DLGAP2: variants seen among roughly 807,000 people sequenced by gnomAD.
DLGAP2 encodes the protein DLG associated protein 2, also known as disks large-associated protein 2.
DLGAP2 carries 26 observed loss-of-function variants against 100.3 expected under a neutral mutation model. The ratio of observed to expected loss-of-function variants is 0.26; its 90% CI spans 0.19 to 0.36. DLGAP2 has a LOEUF of 0.36. Ranked by LOEUF, DLGAP2 falls within the 10% of genes least tolerant of loss-of-function variation. The pLI, the probability that DLGAP2 is intolerant of heterozygous loss-of-function variation, is 1.00. For synonymous variants in DLGAP2, 886 were observed against 630.1 expected (o/e 1.41, Z -6.08); for missense variants, 1,858 against 1,453.2 (o/e 1.28, Z -4.53).
At chr8:1,216,115 A>G (rs190654165) in intron 2 of DLGAP2, among the ~76,000 whole-genome samples, 1 of 152,332 alleles carries the variant, frequency 6.6e-6, no homozygotes, top group African/African-American at 2.4e-5. Flanking sequence ...CTGTTTTCTC[A>G]GTTGTAAAGG....
intron 3 of DLGAP2, among the ~76,000 whole-genome samples, chr8:1,276,741 A>C (rs1799706066): frequency 6.6e-6 from 1 of 152,122 alleles, no homozygotes; most frequent in Admixed American, 6.6e-5. Context: ...GGTTTTCTTT[A>C]AATGTAGTGC....
intron 2 of DLGAP2, among the ~76,000 whole-genome samples, chr8:1,033,669 C>T (rs1464596012): frequency 6.6e-6 from 1 of 152,148 alleles, no homozygotes; most frequent in South Asian, 2.1e-4. Flanking sequence ...CGTGTTACCC[C>T]AAGTTAGGGA....
chr8:883,732 C>G (rs112104233), intron 1 of DLGAP2, among the ~76,000 whole-genome samples: 1 of 152,124 alleles, frequency 6.6e-6, no homozygotes, highest in South Asian at 2.1e-4. Flanking sequence ...TACGTAGGAG[C>G]GCGGGTGCTG....
At chr8:1,159,641 T>C (rs1325357232) in intron 2 of DLGAP2, among the ~76,000 whole-genome samples, 2 of 152,228 alleles carry the variant, frequency 1.3e-5, no homozygotes, top group African/African-American at 4.8e-5. Context: ...ATCAAAAATA[T>C]CTCAGAATGG....
chr8:1,377,467 C>G (rs1373590280), intron 3 of DLGAP2, among the ~76,000 whole-genome samples: 1 of 152,208 alleles, frequency 6.6e-6, no homozygotes, highest in Admixed American at 6.5e-5. Context: ...TGGTGTGAAC[C>G]TGGGAGGCGG....
chr8:1,076,909 C>T (rs544818237), intron 2 of DLGAP2, among the ~76,000 whole-genome samples: 2 of 146,986 alleles, frequency 1.4e-5, no homozygotes, highest in Non-Finnish European at 3.0e-5. Flanking sequence ...CCCGGCCCCC[C>T]CCAAGACCAA....
chr8:1,266,818 A>G (rs936505565), intron 3 of DLGAP2, among the ~76,000 whole-genome samples: 3 of 152,100 alleles, frequency 2.0e-5, no homozygotes, highest in East Asian at 1.9e-4. Context: ...TTTGGAATAC[A>G]TGCCCTCTCC....
chr8:1,133,029 G>C (rs766663159), intron 2 of DLGAP2, among the ~76,000 whole-genome samples: 2 of 152,224 alleles, frequency 1.3e-5, no homozygotes, highest in Non-Finnish European at 2.9e-5. Context: ...TCTGGGGTCT[G>C]TGTGTGGTGG....
At chr8:920,830 T>C (rs1798698334) in intron 2 of DLGAP2, among the ~76,000 whole-genome samples, 1 of 152,176 alleles carries the variant, frequency 6.6e-6, no homozygotes, top group Non-Finnish European at 1.5e-5. Flanking sequence ...AAAAATGATT[T>C]TCAGATACAC....
At chr8:1,295,232 G>C (rs1800144204) in intron 3 of DLGAP2, among the ~76,000 whole-genome samples, 1 of 152,174 alleles carries the variant, frequency 6.6e-6, no homozygotes, top group South Asian at 2.1e-4. Flanking sequence ...GCAGGAACCT[G>C]AAAACCCCGA....
At chr8:1,444,655 G>A (rs774103482) in intron 3 of DLGAP2, among the ~76,000 whole-genome samples, 2 of 151,462 alleles carry the variant, frequency 1.3e-5, no homozygotes, top group Non-Finnish European at 2.9e-5. Context: ...CCATTTCCAG[G>A]TTGATGGTCC....
At position 1,175,409 on chromosome 8, in the gene DLGAP2, A is replaced by G. The variant is rs145254918; in HGVS notation, c.74-83442A>G. Among the ~76,000 whole-genome samples, 319 of 152,362 alleles carry G rather than the reference A, an allele frequency of 2.1e-3. 2 individuals carry two copies. Among genetic ancestry groups the G allele is most frequent in the African/African-American group, 7.2e-3 (298 of 41,594 alleles). On this transcript the variant is annotated intron_variant, in intron 2 of 14. Coordinates refer to ENST00000637795, the MANE Select transcript of DLGAP2 (RefSeq NM_001346810.2). ...TAGCTGTAAAAATTACATTACCATC[A>G]TAGTTGTGACTAAAATAGCCTTCAT...
intron 4 of DLGAP2, among the ~76,000 whole-genome samples, 170 bp from the exon 5 acceptor site, chr8:1,548,456 C>CAAA (rs1801621649): frequency 2.4e-5 from 1 of 41,016 alleles, no homozygotes; most frequent in Non-Finnish European, 4.9e-5. Flanking sequence ...GAGACTGTCT[C>CAAA]AGAAAAAAAA....
intron 3 of DLGAP2, among the ~76,000 whole-genome samples, chr8:1,333,869 G>A (rs73170463): frequency 0.17 from 25,448 of 152,282 alleles, 2,637 homozygotes; most frequent in Admixed American, 0.27. Context: ...AGAGCAGGGG[G>A]AACAGAAAGT....
At chr8:1,240,958 C>G (rs1276005389) in intron 2 of DLGAP2, among the ~76,000 whole-genome samples, 3 of 9,068 alleles carry the variant, frequency 3.3e-4, no homozygotes, top group South Asian at 2.8e-3. Context: ...GTCTAGTTCT[C>G]TTACATGGCG....
At chr8:1,412,293 C>T (rs1376376329) in intron 3 of DLGAP2, among the ~76,000 whole-genome samples, 2 of 152,214 alleles carry the variant, frequency 1.3e-5, no homozygotes, top group African/African-American at 4.8e-5. Flanking sequence ...CATGCCTCCT[C>T]CTCCCTAGCC....
chr8:966,637 C>G (rs1799878408), intron 2 of DLGAP2, among the ~76,000 whole-genome samples: 1 of 135,412 alleles, frequency 7.4e-6, no homozygotes, highest in South Asian at 2.4e-4. Context: ...TTCTTTTTCC[C>G]TCTAACAAAA....
At chr8:1,077,555 A>G (rs1207698889) in intron 2 of DLGAP2, among the ~76,000 whole-genome samples, 1 of 152,210 alleles carries the variant, frequency 6.6e-6, no homozygotes, top group Admixed American at 6.5e-5. Flanking sequence ...GAGGTACTTC[A>G]TAATATCAAC....
intron 2 of DLGAP2, among the ~76,000 whole-genome samples, chr8:1,092,771 C>G (rs995166613): frequency 1.1e-4 from 16 of 152,288 alleles, no homozygotes; most frequent in African/African-American, 3.4e-4. Context: ...CCCAGCAACA[C>G]AGATGGTGTG....
Sources: allele counts gnomAD v4.1 joint callset (sites outside exome capture counted in the v4.1 genomes callset), GRCh38; gene constraint gnomAD v4.1.1; transcripts MANE v1.5; gene names NCBI Gene and HGNC (gene_info 2026-07-23, HGNC 2026-07-21).